The following RELB variants were observed in gnomAD, a reference collection of about 807,000 sequenced individuals.
The protein encoded by RELB is RELB proto-oncogene, NF-kB subunit, also known as transcription factor RelB.
A neutral mutation model predicts 55.4 loss-of-function variants in RELB; 14 were observed. That is an observed-to-expected ratio of 0.25 (90% CI 0.17 to 0.40). The LOEUF (loss-of-function observed/expected upper bound fraction) is 0.40, where lower values mean the gene tolerates loss of function less well. RELB is among the 10% of genes least tolerant of loss of function. RELB has a pLI of 1.00. For synonymous variants in RELB, 409 were observed against 371.3 expected (o/e 1.10, Z -1.17); for missense variants, 669 against 830.7 (o/e 0.81, Z 2.39).
chr19:45,014,903 ATTTTT>A (rs11289208), intron 4 of RELB, among the ~76,000 whole-genome samples: 1 of 130,780 alleles, frequency 7.6e-6, no homozygotes, highest in Non-Finnish European at 1.6e-5. Context: ...TGGATTCAGG[ATTTTT>A]TTTTTTTTTT....
intron 11 of RELB, among the ~76,000 whole-genome samples, chr19:45,036,827 C>T (rs1165298067): frequency 3.9e-5 from 6 of 152,178 alleles, no homozygotes; most frequent in Non-Finnish European, 7.4e-5. Context: ...TACAGGCGGG[C>T]ACCACCACAC....
chr19:45,001,680 C>T lies in RELB; in HGVS notation c.101C>T (p.Ala34Val). 6.6e-7 allele frequency: 1 copy of T among 1,519,898 alleles called. No homozygotes were observed. Among genetic ancestry groups the T allele is most frequent in the Non-Finnish European group, 8.8e-7 (1 of 1,139,364 alleles). The allele number at this position is 1,519,898 out of a possible 1,614,324, so 94.2% of individuals were successfully genotyped here. A position where few individuals can be genotyped will look rare whatever the true frequency, so the allele number is the denominator to read the frequency against. The part of the protein sequence containing the change: ...ARPPAAPELG[A>V]LGSPDLSSLS... ...CCGCCGGCTGCGCCGGAGCTGGGGG[C>T]CTTAGGTAAGCGGGGCTGGGGTTCA... Residue 34 changes from alanine (A) to valine (V), a missense_variant, in exon 1 of 12, where the codon GCC becomes GTC. Around this residue, in one of 3 missense-constraint regions of RELB, gnomAD observed 323 missense variants for 368.5 expected, o/e 0.88. Transcript: ENST00000221452.
intron 4 of RELB, among the ~76,000 whole-genome samples, chr19:45,015,586 T>C (rs1000516408): frequency 6.6e-6 from 1 of 151,654 alleles, no homozygotes; most frequent in Admixed American, 6.6e-5. Flanking sequence ...AATAAAAAAA[T>C]TAGCCAGGCG....
chr19:45,037,523 C>T lies in RELB; in HGVS notation c.1473C>T (p.Tyr491=), dbSNP rs371174510. 106 of 1,613,376 alleles carry T rather than the reference C, an allele frequency of 6.6e-5. No individual in the cohort carries two copies. The African/African-American group carries it at 8.4e-4, about 13-fold the overall frequency. The change falls in exon 12 of 12, where the codon TAC becomes TAT. Residue 491 remains tyrosine, a synonymous_variant. Transcript: ENST00000221452. The stretch of plus-strand genomic sequence containing the variant: ...ACCTCCTGGACGATGGCTTTGCCTA[C>T]GACCCTACGGCCCCCACACTCTTCA... ...GPDLLDDGFA[Y]DPTAPTLFTM... is the part of the protein sequence containing the mutation.
chr19:45,003,025 C>A (rs1441363175), intron 2 of RELB, 29 bp downstream of exon 2: 1 of 1,605,806 alleles, frequency 6.2e-7, no homozygotes, highest in Non-Finnish European at 8.5e-7. Context: ...TTCCTGCCCA[C>A]TCGCTCATGC....
intron 8 of RELB, among the ~76,000 whole-genome samples, chr19:45,030,596 C>T (rs1484955087): frequency 6.6e-6 from 1 of 152,010 alleles, no homozygotes; most frequent in African/African-American, 2.4e-5. Flanking sequence ...CATGCCATTG[C>T]ACACCAGCCT....
rs1356667246 is a variant in RELB at position 45,012,069 on chromosome 19, GC to G, written c.302del (p.Pro101GlnfsTer14). On this transcript the variant is annotated frameshift_variant, in exon 4 of 12. Transcript: ENST00000221452. LOFTEE classifies it high-confidence loss of function. ...GCACGGTCACCCTGGGCCCTGTGGC[GC>G]CCCCAGCCACGCCGCCGCCTTGGGG... Reference protein sequence around the residue: ...LSTVTLGPVAPPATPPPWGCP... With the variant: ...LSTVTLGPVAXPATPPPWGCP... The G allele has an allele frequency of 3.9e-6, 6 of 1,551,462 alleles. No individual in the cohort carries two copies. The highest frequency in any genetic ancestry group is 4.0e-5 in the Admixed American group (2 of 50,338).
At chr19:45,011,451 C>T (rs775449754) in intron 3 of RELB, among the ~76,000 whole-genome samples, 7 of 151,946 alleles carry the variant, frequency 4.6e-5, no homozygotes, top group Non-Finnish European at 7.4e-5. Context: ...CATGAGCCAC[C>T]GCGCCCAGCC....
At chr19:45,031,598 C>T (rs1296144141) in intron 8 of RELB, among the ~76,000 whole-genome samples, 8 of 151,978 alleles carry the variant, frequency 5.3e-5, no homozygotes, top group Admixed American at 1.3e-4. Flanking sequence ...TTGTTTGAGG[C>T]GGAGTCTTGC....
At position 45,032,742 on chromosome 19, in the gene RELB, C is replaced by G; in HGVS notation, c.1200C>G (p.Arg400=). 1 of 1,603,892 alleles carries G rather than the reference C, an allele frequency of 6.2e-7. No individual in the cohort carries two copies. The highest frequency in any genetic ancestry group is 8.5e-7 in the Non-Finnish European group (1 of 1,175,196). The change falls in exon 9 of 12, where the codon CGC becomes CGG. Residue 400 remains arginine, a synonymous_variant. Transcript: ENST00000221452. ...CATTGCCTTTCACGTACCTGCCTCG[C>G]GACCATGGTAACTACAGCAACCCAG... ...SEPLPFTYLP[R]DHDSYGVDKK...
At chr19:45,006,936 C>CA (rs1250455658) in intron 2 of RELB, among the ~76,000 whole-genome samples, 1 of 122,884 alleles carries the variant, frequency 8.1e-6, no homozygotes, top group South Asian at 2.6e-4. Context: ...GCCTGGGTGA[C>CA]AACAGCAAAA....
chr19:45,035,031 G>A (rs1428099437), intron 11 of RELB, among the ~76,000 whole-genome samples: 2 of 151,472 alleles, frequency 1.3e-5, no homozygotes, highest in Non-Finnish European at 1.5e-5. Context: ...TAGTAGAGAC[G>A]GTGTTTTACC....
intron 4 of RELB, among the ~76,000 whole-genome samples, chr19:45,013,260 G>C (rs1411321456): frequency 6.6e-6 from 1 of 151,812 alleles, no homozygotes; most frequent in African/African-American, 2.4e-5. Context: ...TCCTGCCTCA[G>C]CCTCCCGAGT....
chr19:45,011,738 C>CA (rs1971354003), intron 3 of RELB, among the ~76,000 whole-genome samples, 198 bp from the exon 4 acceptor site: 1 of 146,972 alleles, frequency 6.8e-6, no homozygotes, highest in Non-Finnish European at 1.5e-5. Context: ...TGAGCCACCG[C>CA]ACCTGGCCTC....
Position 45,031,964 on chromosome 19 carries a change from T to G in RELB, c.992-570T>G, listed in dbSNP as rs1028456625. Among the ~76,000 whole-genome samples the G allele has an allele frequency of 5.3e-5, 8 of 151,656 alleles. No individual in the cohort carries two copies. In the Admixed American group the frequency reaches 5.3e-4, roughly 10 times the overall value. ...AAAAATACATAAAACAAGGCCGGGT[T>G]TGGTGGCTTACATCTGTAATCCCAG... On this transcript the variant is annotated intron_variant, in intron 8 of 11. Transcript: ENST00000221452.
Position 45,028,862 on chromosome 19 carries a change from C to T in RELB, c.887-26C>T, listed in dbSNP as rs761487353. ...TGAATTCTCGGGATTTTTTTTAATA[C>T]ACTTCTTCCTCTTGCTCCTTCCCAG... On this transcript the variant is annotated intron_variant, in intron 7 of 11. Coordinates refer to ENST00000221452, the MANE Select transcript of RELB (RefSeq NM_006509.4). 4 of 1,543,986 alleles carry T rather than the reference C, an allele frequency of 2.6e-6. No homozygotes were observed. The African/African-American group carries it at 4.1e-5, about 16-fold the overall frequency.
At chr19:45,031,886 T>C (rs1255854950) in intron 8 of RELB, among the ~76,000 whole-genome samples, 1 of 151,884 alleles carries the variant, frequency 6.6e-6, no homozygotes, top group Non-Finnish European at 1.5e-5. Flanking sequence ...AGGGGGATAT[T>C]AATTCTACCT....
At chr19:45,008,121 G>C (rs1196629561) in intron 2 of RELB, among the ~76,000 whole-genome samples, 1 of 150,254 alleles carries the variant, frequency 6.7e-6, no homozygotes, top group Non-Finnish European at 1.5e-5. Context: ...AGTGAGCCAA[G>C]ATTGTGCCAC....
intron 8 of RELB, among the ~76,000 whole-genome samples, chr19:45,029,643 A>G (rs1043081198): frequency 2.0e-5 from 3 of 152,116 alleles, no homozygotes; most frequent in Non-Finnish European, 4.4e-5. Flanking sequence ...TGAGGTCAGG[A>G]GTTCGACACC....
Sources: gnomAD v4.1 joint callset for allele counts (sites outside exome capture counted in the v4.1 genomes callset) on GRCh38, gnomAD v4.1.1 for gene constraint, gnomAD v4.1.1 regional missense constraint, MANE v1.5 for transcripts, NCBI Gene and HGNC (gene_info 2026-07-23, HGNC 2026-07-21) for gene names.